Variants in HHLA2 observed in about 807,000 individuals in gnomAD.
The protein encoded by HHLA2 is HERV-H LTR-associating protein 2.
A neutral mutation model predicts 45.9 loss-of-function variants in HHLA2; 48 were observed. That is an observed-to-expected ratio of 1.05 (90% CI 0.83 to 1.33). The LOEUF is 1.33. Among genes scored for constraint, HHLA2 ranks in the 40% most tolerant of loss-of-function variants. HHLA2 has a pLI of 0.00. For synonymous variants in HHLA2, 161 were observed against 173.9 expected (o/e 0.93, Z 0.59); for missense variants, 462 against 494.3 (o/e 0.93, Z 0.62).
intron 3 of HHLA2, among the ~76,000 whole-genome samples, chr3:108,335,595 A>G (rs530589488): frequency 6.6e-6 from 1 of 152,308 alleles, no homozygotes; most frequent in East Asian, 1.9e-4. Context: ...AGAACATAGA[A>G]GAAGATTGAC....
At chr3:108,371,445 AT>A (rs2082169923) in intron 8 of HHLA2, among the ~76,000 whole-genome samples, 1 of 152,238 alleles carries the variant, frequency 6.6e-6, no homozygotes, top group Non-Finnish European at 1.5e-5. Context: ...AGCTAACATC[AT>A]AATGACAGGA....
At chr3:108,357,606 G>A (rs2081917005) in intron 6 of HHLA2, among the ~76,000 whole-genome samples, 1 of 152,154 alleles carries the variant, frequency 6.6e-6, no homozygotes, top group East Asian at 1.9e-4. Context: ...CACCCCTCTA[G>A]CTGGCCCTGG....
chr3:108,362,600 C>T (rs2082001094), intron 8 of HHLA2, among the ~76,000 whole-genome samples, 154 bp downstream of exon 7: 1 of 152,138 alleles, frequency 6.6e-6, no homozygotes, highest in Non-Finnish European at 1.5e-5. Context: ...TTTTAAAATG[C>T]TCCTACATTT....
chr3:108,315,339 G>A (rs1475761814), intron 2 of HHLA2, among the ~76,000 whole-genome samples: 1 of 152,124 alleles, frequency 6.6e-6, no homozygotes, highest in African/African-American at 2.4e-5. Flanking sequence ...CATAGAATGG[G>A]AATTACAGTC....
chr3:108,296,819 A>C (rs1475033225), intron 1 of HHLA2, among the ~76,000 whole-genome samples: 1 of 152,270 alleles, frequency 6.6e-6, no homozygotes, highest in Non-Finnish European at 1.5e-5. Flanking sequence ...ATATATTTCA[A>C]ATAAAAGAAC....
chr3:108,310,411 T>C (rs1401954525), intron 1 of HHLA2, among the ~76,000 whole-genome samples: 3 of 152,204 alleles, frequency 2.0e-5, no homozygotes, highest in African/African-American at 7.2e-5. Flanking sequence ...TAGAGATTAA[T>C]GACATATTGT....
At chr3:108,356,855 T>C (rs545612794) in intron 6 of HHLA2, among the ~76,000 whole-genome samples, 62 of 152,298 alleles carry the variant, frequency 4.1e-4, no homozygotes, top group African/African-American at 1.4e-3. Flanking sequence ...TGGTTGGACA[T>C]GAATGGGGTT....
intron 2 of HHLA2, among the ~76,000 whole-genome samples, chr3:108,327,808 C>A (rs2081312113): frequency 6.6e-6 from 1 of 152,112 alleles, no homozygotes; most frequent in Non-Finnish European, 1.5e-5. Context: ...GAGTGCCTGG[C>A]TATTTTTTAC....
chr3:108,305,707 A>G (rs939221814), intron 1 of HHLA2, among the ~76,000 whole-genome samples: 1 of 152,172 alleles, frequency 6.6e-6, no homozygotes, highest in African/African-American at 2.4e-5. Context: ...TCTCAGGGCA[A>G]ATGACTCAAC....
chr3:108,315,430 T>A (rs2081085837), intron 2 of HHLA2, among the ~76,000 whole-genome samples: 1 of 152,228 alleles, frequency 6.6e-6, no homozygotes, highest in African/African-American at 2.4e-5. Context: ...ATGTGATATA[T>A]GTCTTAAAGG....
At chr3:108,355,340 C>T in exon 6 of HHLA2, 2 of 1,613,888 alleles carry the variant, frequency 1.2e-6, no homozygotes, top group Non-Finnish European at 1.7e-6. Flanking sequence ...ATTGAAAATT[C>T]ACTGCTGAAG....
In HHLA2 at chr3:108,317,170, G is replaced by A. The variant is rs1011555352; in HGVS notation, c.-105+6429G>A. Among the ~76,000 whole-genome samples the A allele has an allele frequency of 3.3e-5, 5 of 152,216 alleles. 1 individual carries two copies. The highest frequency in any genetic ancestry group is 1.2e-4 in the African/African-American group (5 of 41,464). ...GGGGAACCTTTTGTCTTTATAGAAA[G>A]ACACTGTGGCCAGTGACAGCACATA... On this transcript the variant is annotated intron_variant, in intron 2 of 10. Transcript: ENST00000619531.
At chr3:108,339,573 A>ATAAT (rs569425343) in intron 3 of HHLA2, among the ~76,000 whole-genome samples, 1 of 151,858 alleles carries the variant, frequency 6.6e-6, no homozygotes, top group Non-Finnish European at 1.5e-5. Context: ...ATATATATAT[A>ATAAT]TGTAATGCAT....
chr3:108,372,534 C>T (rs2082196592), intron 8 of HHLA2, among the ~76,000 whole-genome samples: 1 of 150,742 alleles, frequency 6.6e-6, no homozygotes, highest in East Asian at 1.9e-4. Flanking sequence ...TCAATGAATC[C>T]AGGAGCTGGT....
intron 6 of HHLA2, 117 bp downstream of exon 5, chr3:108,355,498 C>T (rs775400472): frequency 2.2e-5 from 26 of 1,203,450 alleles, no homozygotes; most frequent in Non-Finnish European, 2.5e-5. Flanking sequence ...CCATCTGCAG[C>T]GGTTAGAAGA....
At chr3:108,347,745 G>A (rs1269677637) in intron 3 of HHLA2, among the ~76,000 whole-genome samples, 1 of 152,112 alleles carries the variant, frequency 6.6e-6, no homozygotes, top group Non-Finnish European at 1.5e-5. Context: ...GAGTTGGAGA[G>A]TAGGCAAATA....
At chr3:108,334,927 G>A (rs1156240049) in intron 3 of HHLA2, among the ~76,000 whole-genome samples, 3 of 152,168 alleles carry the variant, frequency 2.0e-5, no homozygotes, top group Non-Finnish European at 2.9e-5. Context: ...ACTTAATCAG[G>A]TGGTGATTCT....
chr3:108,334,109 A>G (rs747433070), intron 3 of HHLA2, among the ~76,000 whole-genome samples: 5 of 152,194 alleles, frequency 3.3e-5, no homozygotes, highest in Non-Finnish European at 5.9e-5. Flanking sequence ...CTAAATGAGC[A>G]GAGTTAGGAG....
At chr3:108,362,197 C>A in intron 7 of HHLA2, 145 bp from the exon 7 acceptor site, 1 of 622,778 alleles carries the variant, frequency 1.6e-6, no homozygotes, top group Admixed American at 2.9e-5. Context: ...AAAGTGTTTT[C>A]ATATGAATTC....
Sources: gnomAD v4.1 joint callset for allele counts (sites outside exome capture counted in the v4.1 genomes callset) on GRCh38, gnomAD v4.1.1 for gene constraint, MANE v1.5 for transcripts, NCBI Gene and HGNC (gene_info 2026-07-23, HGNC 2026-07-21) for gene names.